The following ARMH4 variants were observed in gnomAD, a reference collection of about 807,000 sequenced individuals.
ARMH4 encodes the protein armadillo like helical domain containing 4, also known as armadillo-like helical domain-containing protein 4.
In ARMH4, 49 loss-of-function variants were observed where a neutral mutation model predicts 61.9. The observed-to-expected ratio is 0.79, with a 90% CI of 0.63 to 1.00. The LOEUF (loss-of-function observed/expected upper bound fraction) is 1.00. ARMH4 is among the 50% of genes least tolerant of loss of function. ARMH4 has a pLI of 0.00. For missense variants in ARMH4, 934 were observed against 930.0 expected, an observed-to-expected ratio of 1.00 and a Z score of -0.06; for synonymous variants, 368 against 341.5, an observed-to-expected ratio of 1.08 and a Z score of -0.85.
chr14:58,008,665 A>T (rs532400835), intron 6 of ARMH4, among the ~76,000 whole-genome samples: 11 of 152,198 alleles, frequency 7.2e-5, no homozygotes, highest in Non-Finnish European at 1.6e-4. Flanking sequence ...GATCAGGAAC[A>T]CCTGCAAGAC....
At chr14:58,012,758 CAAGT>C (rs994838742) in intron 5 of ARMH4, among the ~76,000 whole-genome samples, 10 of 152,108 alleles carry the variant, frequency 6.6e-5, no homozygotes, top group African/African-American at 2.4e-4. Context: ...AAGCAATGAC[CAAGT>C]AATATTCACA....
chr14:58,118,074 T>A (rs931951541), intron 4 of ARMH4, among the ~76,000 whole-genome samples: 7 of 152,166 alleles, frequency 4.6e-5, no homozygotes, highest in African/African-American at 1.7e-4. Context: ...CTCATCAGTG[T>A]GGGCTGAGTG....
At chr14:58,018,110 T>C (rs993339505) in intron 5 of ARMH4, among the ~76,000 whole-genome samples, 5 of 152,150 alleles carry the variant, frequency 3.3e-5, no homozygotes, top group African/African-American at 1.2e-4. Context: ...TCACACCATA[T>C]ACAAAAATCA....
At chr14:58,102,787 C>T (rs1456122791) in intron 4 of ARMH4, among the ~76,000 whole-genome samples, 8 of 123,424 alleles carry the variant, frequency 6.5e-5, no homozygotes, top group Non-Finnish European at 1.1e-4. Flanking sequence ...GTCCGCAGTC[C>T]GGCCTGGGCG....
intron 5 of ARMH4, among the ~76,000 whole-genome samples, chr14:58,080,956 G>C (rs2141242257): frequency 6.6e-6 from 1 of 152,022 alleles, no homozygotes; most frequent in East Asian, 1.9e-4. Flanking sequence ...AGAAAAATTA[G>C]CCAGGTGTGG....
At chr14:58,110,040 T>C (rs1886299615) in intron 4 of ARMH4, among the ~76,000 whole-genome samples, 1 of 152,154 alleles carries the variant, frequency 6.6e-6, no homozygotes, top group Non-Finnish European at 1.5e-5. Context: ...GAAAACCACC[T>C]TCATGATCCA....
chr14:58,024,168 G>A (rs2141152569), intron 5 of ARMH4, among the ~76,000 whole-genome samples: 1 of 152,244 alleles, frequency 6.6e-6, no homozygotes, highest in East Asian at 1.9e-4. Context: ...TTTCTCTCTT[G>A]CTATAAAAGT....
rs576705338 is a variant in ARMH4 at position 58,049,079 on chromosome 14, C to T, written c.2090-36929G>A. ...GGTGAAACCCCATCTCTATTAAAAA[C>T]ACAAAAAAAATTAGCCAGGCGTGGT... is the stretch of plus-strand genomic sequence containing the variant. On this transcript the variant is annotated intron_variant, in intron 5 of 7. Transcript: ENST00000267485. Among the ~76,000 whole-genome samples, 182 of 151,452 alleles carry T rather than the reference C, an allele frequency of 1.2e-3. 1 individual carries two copies. The highest frequency in any genetic ancestry group is 6.8e-3 in the Middle Eastern group (2 of 292).
chr14:58,020,236 A>C (rs1014898573), intron 5 of ARMH4, among the ~76,000 whole-genome samples: 3 of 152,202 alleles, frequency 2.0e-5, no homozygotes, highest in Non-Finnish European at 4.4e-5. Flanking sequence ...CACTCTGGGG[A>C]GGGGTGAGGG....
chr14:58,143,125 G>C (rs1326563134), intron 1 of ARMH4, among the ~76,000 whole-genome samples: 1 of 152,072 alleles, frequency 6.6e-6, no homozygotes, highest in Non-Finnish European at 1.5e-5. Context: ...GCATAGAACT[G>C]GTATAAAATA....
intron 5 of ARMH4, among the ~76,000 whole-genome samples, chr14:58,076,937 C>T (rs1594742799): frequency 6.6e-6 from 1 of 152,280 alleles, no homozygotes; most frequent in Non-Finnish European, 1.5e-5. Context: ...CTAGACTTAG[C>T]TTTGTCTACA....
At chr14:58,090,491 T>C (rs1353645886) in intron 5 of ARMH4, among the ~76,000 whole-genome samples, 1 of 152,016 alleles carries the variant, frequency 6.6e-6, no homozygotes, top group Non-Finnish European at 1.5e-5. Context: ...TTGCCAACAA[T>C]TGTTCAGAAA....
At chr14:58,034,301 C>T (rs957394023) in intron 5 of ARMH4, among the ~76,000 whole-genome samples, 2 of 121,960 alleles carry the variant, frequency 1.6e-5, no homozygotes, top group African/African-American at 3.1e-5. Flanking sequence ...TCCAGCCAAA[C>T]TAAGCTTCAT....
At chr14:58,147,806 T>C (rs1194961165) in intron 1 of ARMH4, among the ~76,000 whole-genome samples, 1 of 152,210 alleles carries the variant, frequency 6.6e-6, no homozygotes, top group Non-Finnish European at 1.5e-5. Context: ...GATAAGTAAC[T>C]TGCCTAAGGG....
intron 5 of ARMH4, among the ~76,000 whole-genome samples, chr14:58,048,665 T>C (rs1884018914): frequency 6.6e-6 from 1 of 152,086 alleles, no homozygotes; most frequent in Admixed American, 6.5e-5. Flanking sequence ...GAGAAAAATG[T>C]TGAAAACAGG....
intron 4 of ARMH4, among the ~76,000 whole-genome samples, chr14:58,123,436 C>T (rs1445674807): frequency 6.6e-6 from 1 of 152,144 alleles, no homozygotes; most frequent in Non-Finnish European, 1.5e-5. Context: ...GACCTAAAAG[C>T]CCAAGGCCTA....
At chr14:58,024,056 G>C (rs1241148989) in intron 5 of ARMH4, among the ~76,000 whole-genome samples, 1 of 152,156 alleles carries the variant, frequency 6.6e-6, no homozygotes, top group Non-Finnish European at 1.5e-5. Flanking sequence ...TAGGATTTTA[G>C]GAATAGCCAG....
At chr14:58,040,673 T>A (rs1460598442) in intron 5 of ARMH4, among the ~76,000 whole-genome samples, 6 of 152,178 alleles carry the variant, frequency 3.9e-5, no homozygotes. Flanking sequence ...CCTTTGGGTA[T>A]ATACCCAGTA....
chr14:58,108,427 T>C (rs1184674875), intron 4 of ARMH4, among the ~76,000 whole-genome samples: 1 of 152,236 alleles, frequency 6.6e-6, no homozygotes, highest in African/African-American at 2.4e-5. Context: ...TTATTAATAC[T>C]GTTACACCTA....
Sources: gnomAD v4.1 joint callset for allele counts (sites outside exome capture counted in the v4.1 genomes callset) on GRCh38, gnomAD v4.1.1 for gene constraint, MANE v1.5 for transcripts, NCBI Gene and HGNC (gene_info 2026-07-23, HGNC 2026-07-21) for gene names.